The following SPAG16 variants were observed in gnomAD, a reference collection of about 807,000 sequenced individuals.
The protein encoded by SPAG16 is sperm-associated antigen 16 protein.
Under a neutral mutation model 80.4 loss-of-function variants are expected in SPAG16, and 86 were observed. The observed-to-expected ratio is 1.07, with a 90% CI of 0.90 to 1.28. SPAG16 has a LOEUF of 1.28. Among genes scored for constraint, SPAG16 ranks in the 50% most tolerant of loss-of-function variants. The pLI is 0.00. For missense variants in SPAG16, 870 were observed against 765.3 expected (o/e 1.14, Z -1.61); for synonymous variants, 294 against 265.9 (o/e 1.11, Z -1.03).
chr2:214,172,899 C>G (rs920728559), intron 15 of SPAG16, among the ~76,000 whole-genome samples: 1 of 152,118 alleles, frequency 6.6e-6, no homozygotes, highest in African/African-American at 2.4e-5. Context: ...TAAATGTCTT[C>G]TTTTGAGAAG....
chr2:213,786,077 T>C (rs1245024257), intron 10 of SPAG16, among the ~76,000 whole-genome samples: 1 of 152,216 alleles, frequency 6.6e-6, no homozygotes, highest in Non-Finnish European at 1.5e-5. Context: ...TATTTCTATT[T>C]CATTAATGTG....
At chr2:213,464,333 T>C (rs2072555056) in intron 9 of SPAG16, among the ~76,000 whole-genome samples, 2 of 152,156 alleles carry the variant, frequency 1.3e-5, no homozygotes, top group African/African-American at 2.4e-5. Context: ...TTTGATAATA[T>C]CATGTTTCTT....
intron 15 of SPAG16, among the ~76,000 whole-genome samples, chr2:214,342,038 T>C (rs545132951): frequency 5.7e-5 from 8 of 140,968 alleles, no homozygotes; most frequent in African/African-American, 2.0e-4. Context: ...CAAGAAAAAT[T>C]AGAAAAAAAT....
intron 4 of SPAG16, among the ~76,000 whole-genome samples, chr2:213,315,173 T>A (rs1019701500): frequency 1.2e-4 from 19 of 152,116 alleles, no homozygotes; most frequent in Non-Finnish European, 2.4e-4. Context: ...TTGTTTTTTT[T>A]AACTTTATTG....
At chr2:213,312,735 T>A (rs72937011) in intron 4 of SPAG16, among the ~76,000 whole-genome samples, 32,827 of 151,574 alleles carry the variant, frequency 0.22, 4,377 homozygotes, top group Non-Finnish European at 0.31. Context: ...TAATTTTTTT[T>A]AATAATGGAA....
intron 9 of SPAG16, among the ~76,000 whole-genome samples, chr2:213,434,156 G>T (rs537475570): frequency 4.3e-4 from 66 of 152,068 alleles, no homozygotes; most frequent in African/African-American, 1.5e-3. Flanking sequence ...CTGACCTCAG[G>T]TGATCCACCT....
chr2:214,226,106 A>T (rs114254712), intron 15 of SPAG16, among the ~76,000 whole-genome samples: 2,738 of 152,230 alleles, frequency 0.018, 52 homozygotes, highest in African/African-American at 0.043. Flanking sequence ...CTTCAAATTT[A>T]TTAGCTTAAA....
At chr2:213,535,040 C>T (rs769886870) in intron 10 of SPAG16, among the ~76,000 whole-genome samples, 1 of 152,088 alleles carries the variant, frequency 6.6e-6, no homozygotes, top group African/African-American at 2.4e-5. Context: ...ACCCTGCTAA[C>T]ATTTGATCTT....
At chr2:214,081,376 A>G (rs2051384929) in intron 13 of SPAG16, among the ~76,000 whole-genome samples, 2 of 152,162 alleles carry the variant, frequency 1.3e-5, no homozygotes, top group South Asian at 4.1e-4. Flanking sequence ...GGGAATAATG[A>G]CACTCTATTG....
At chr2:213,328,985 G>T (rs1362894286) in intron 5 of SPAG16, among the ~76,000 whole-genome samples, 1 of 152,088 alleles carries the variant, frequency 6.6e-6, no homozygotes, top group African/African-American at 2.4e-5. Flanking sequence ...GAGTTTCCCT[G>T]CACAAGCTCT....
At chr2:213,364,953 A>T (rs2066199404) in intron 8 of SPAG16, 1 of 152,262 alleles carries the variant, frequency 6.6e-6, no homozygotes, top group Non-Finnish European at 1.5e-5. Flanking sequence ...AACAAAGCTT[A>T]CACAGCATTC....
chr2:213,544,596 C>G (rs1013814774), intron 10 of SPAG16, among the ~76,000 whole-genome samples: 4 of 152,078 alleles, frequency 2.6e-5, no homozygotes, highest in African/African-American at 9.7e-5. Flanking sequence ...TGGACAAATT[C>G]ATAATGACAT....
At chr2:214,260,940 C>T (rs1691107468) in intron 15 of SPAG16, among the ~76,000 whole-genome samples, 2 of 151,680 alleles carry the variant, frequency 1.3e-5, no homozygotes, top group Admixed American at 1.3e-4. Context: ...AACCCTGTCT[C>T]TACTAAAAGT....
At chr2:213,509,631 C>G (rs557792367) in intron 10 of SPAG16, among the ~76,000 whole-genome samples, 1 of 152,064 alleles carries the variant, frequency 6.6e-6, no homozygotes, top group Non-Finnish European at 1.5e-5. Flanking sequence ...AGAACAAAGA[C>G]ACAACATACC....
At chr2:213,369,588 AT>A (rs11326151) in intron 8 of SPAG16, among the ~76,000 whole-genome samples, 75,393 of 150,114 alleles carry the variant, frequency 0.5, 21,002 homozygotes, top group Middle Eastern at 0.71. Context: ...GGCAAAGAGG[AT>A]TTTTTTTTTT....
At chr2:213,315,798 C>G (rs919691406) in intron 4 of SPAG16, among the ~76,000 whole-genome samples, 14 of 151,898 alleles carry the variant, frequency 9.2e-5, no homozygotes, top group African/African-American at 3.1e-4. Flanking sequence ...TTCAGTTCTT[C>G]CTTTTTAGAA....
chr2:214,176,627 A>G (rs1194414561), intron 15 of SPAG16, among the ~76,000 whole-genome samples: 1 of 151,408 alleles, frequency 6.6e-6, no homozygotes, highest in Non-Finnish European at 1.5e-5. Context: ...AAGAATGTAT[A>G]GTTGTATATT....
intron 15 of SPAG16, among the ~76,000 whole-genome samples, chr2:214,228,829 A>G (rs2125794619): frequency 6.6e-6 from 1 of 152,056 alleles, no homozygotes; most frequent in East Asian, 1.9e-4. Context: ...ACAAATGAGA[A>G]AAATGAAATT....
In SPAG16 at chr2:214,129,192, C is replaced by A. The variant is rs530958978; in HGVS notation, c.1594-19948C>A. On this transcript the variant is annotated intron_variant, in intron 14 of 15. Coordinates refer to ENST00000331683, the MANE Select transcript of SPAG16 (RefSeq NM_024532.5). Reference sequence around the variant, plus strand: ...ACTCTCACCTCACCTCTTCTGTACACTCTGCCTCGCAAATTCTACCTGCCT... The same window carrying A: ...ACTCTCACCTCACCTCTTCTGTACAATCTGCCTCGCAAATTCTACCTGCCT... 7.9e-5 allele frequency among the ~76,000 whole-genome samples: 12 copies of A among 152,290 alleles called. No individual in the cohort carries two copies. The South Asian group carries it at 2.5e-3, about 32-fold the overall frequency.
Sources: allele counts gnomAD v4.1 joint callset (sites outside exome capture counted in the v4.1 genomes callset), GRCh38; gene constraint gnomAD v4.1.1; transcripts MANE v1.5; gene names NCBI Gene and HGNC (gene_info 2026-07-23, HGNC 2026-07-21).